Variants in CD9 observed in about 807,000 individuals in gnomAD.
CD9 encodes the protein CD9 molecule.
A neutral mutation model predicts 31.4 loss-of-function variants in CD9; 10 were observed. That is an observed-to-expected ratio of 0.32 (90% CI 0.20 to 0.54). The LOEUF is 0.54. Ranked by LOEUF, CD9 falls within the 20% of genes least tolerant of loss-of-function variation. The probability of loss-of-function intolerance (pLI) is 0.94; values close to 1 mark genes in which losing one functional copy is unlikely to be tolerated. For missense variants in CD9, 259 were observed against 300.1 expected, an observed-to-expected ratio of 0.86 and a Z score of 1.01; for synonymous variants, 113 against 114.1, an observed-to-expected ratio of 0.99 and a Z score of 0.06.
In CD9 at chr12:6,232,024, G is replaced by T. The variant is rs184980286; in HGVS notation, c.176-608G>T. The stretch of plus-strand genomic sequence containing the variant: ...TCCTTTGCACTAGAGTCAGGTATTG[G>T]ACCTTTGCCAAGAGGTGCCTTTGGG... On this transcript the variant is annotated intron_variant, in intron 2 of 7. Transcript: ENST00000009180. This position sits in a 1 kb window ranked among gnomAD's most constrained non-coding sequence, Gnocchi z 4.8. Among the ~76,000 whole-genome samples the T allele has an allele frequency of 3.3e-5, 5 of 152,292 alleles. No individual in the cohort carries two copies. The highest frequency in any genetic ancestry group is 1.2e-4 in the African/African-American group (5 of 41,570).
chr12:6,206,446 AC>A (rs1433163766), intron 1 of CD9, among the ~76,000 whole-genome samples: 1 of 151,972 alleles, frequency 6.6e-6, no homozygotes, highest in Non-Finnish European at 1.5e-5. Context: ...CTGGTCTCAA[AC>A]TCCTAGGCTC....
At chr12:6,201,162 TGAG>T (rs1420491134) in intron 1 of CD9, among the ~76,000 whole-genome samples, 2 of 152,158 alleles carry the variant, frequency 1.3e-5, no homozygotes, top group Non-Finnish European at 2.9e-5. Flanking sequence ...CCTCCACCCT[TGAG>T]GAGGAACCTC....
In CD9 at chr12:6,205,354, C is replaced by T. The variant is rs566338452; in HGVS notation, c.66+4789C>T. On this transcript the variant is annotated intron_variant, in intron 1 of 7. Coordinates refer to ENST00000009180, the MANE Select transcript of CD9 (RefSeq NM_001769.4). ...CACACGCTCACACTCACGTTCTCTA[C>T]CCCCTTCTTTTCAACGTGGCCCACA... Among the ~76,000 whole-genome samples the T allele has an allele frequency of 1.2e-3, 184 of 152,326 alleles. 4 individuals are homozygous for T. In the South Asian group the frequency reaches 0.031, roughly 26 times the overall value.
intron 4 of CD9, among the ~76,000 whole-genome samples, 160 bp from the exon 5 acceptor site, chr12:6,235,069 A>G (rs899379902): frequency 5.3e-5 from 8 of 152,236 alleles, no homozygotes; most frequent in Admixed American, 1.3e-4. Flanking sequence ...GCCCTGAGAG[A>G]AGGCAGTGCT....
chr12:6,219,642 C>T (rs939781265), intron 1 of CD9, among the ~76,000 whole-genome samples: 9 of 152,048 alleles, frequency 5.9e-5, no homozygotes, highest in African/African-American at 1.7e-4. Context: ...CCCGCCACCA[C>T]GCCCGGCTAA....
chr12:6,229,268 C>T (rs1313541486), intron 2 of CD9, among the ~76,000 whole-genome samples: 1 of 152,240 alleles, frequency 6.6e-6, no homozygotes, highest in African/African-American at 2.4e-5. Context: ...CGGCCAGCCC[C>T]CTATCCATGA....
chr12:6,230,694 T>C (rs564833777), intron 2 of CD9, among the ~76,000 whole-genome samples: 1 of 152,334 alleles, frequency 6.6e-6, no homozygotes, highest in Non-Finnish European at 1.5e-5. Flanking sequence ...CAGTGCTCCA[T>C]GCATGGGGCT....
intron 1 of CD9, among the ~76,000 whole-genome samples, chr12:6,214,800 G>A (rs979131587): frequency 6.6e-6 from 1 of 152,174 alleles, no homozygotes; most frequent in African/African-American, 2.4e-5. Flanking sequence ...CCTGCTGCAG[G>A]TTGTGGGAGC....
intron 6 of CD9, 172 bp downstream of exon 6, chr12:6,235,737 G>T: frequency 7.1e-7 from 1 of 1,418,122 alleles, no homozygotes; most frequent in Non-Finnish European, 9.2e-7. Context: ...GTTTACTCAA[G>T]GGCAATAAAA....
chr12:6,209,679 C>A (rs948964681), intron 1 of CD9, among the ~76,000 whole-genome samples: 12 of 132,634 alleles, frequency 9.0e-5, no homozygotes, highest in East Asian at 4.4e-4. Flanking sequence ...CTGCAAATTT[C>A]TTTTTTTTTT....
At chr12:6,200,203 G>A (rs1319158632), upstream of CD9, 5 of 159,648 alleles carry the variant, frequency 3.1e-5, no homozygotes, top group Admixed American at 1.3e-4. Flanking sequence ...GGGCTCCGCG[G>A]GGCAGCTGGG....
At chr12:6,209,551 A>T (rs1468206704) in intron 1 of CD9, among the ~76,000 whole-genome samples, 3 of 152,156 alleles carry the variant, frequency 2.0e-5, no homozygotes, top group African/African-American at 7.2e-5. Flanking sequence ...TGCTAAGCTC[A>T]GATGTTTTAA....
At chr12:6,223,784 C>A (rs1946325244) in intron 1 of CD9, among the ~76,000 whole-genome samples, 1 of 152,210 alleles carries the variant, frequency 6.6e-6, no homozygotes, top group Admixed American at 6.5e-5. Flanking sequence ...AATGCGAGTA[C>A]CCTGCTGGGT....
chr12:6,205,588 A>G (rs918127205), intron 1 of CD9, among the ~76,000 whole-genome samples: 8 of 152,158 alleles, frequency 5.3e-5, no homozygotes, highest in African/African-American at 1.9e-4. Flanking sequence ...CCTTACACAC[A>G]TAGATCCTGT....
intron 1 of CD9, among the ~76,000 whole-genome samples, chr12:6,214,693 G>C (rs1591966974): frequency 6.6e-6 from 1 of 152,090 alleles, no homozygotes; most frequent in Non-Finnish European, 1.5e-5. Context: ...AGTTCGGGGA[G>C]GTTTGAGGAG....
chr12:6,238,144 TATTGTAC>T lies in CD9; in HGVS notation c.*319_*325del, dbSNP rs748554984. 4 of 207,884 alleles carry T rather than the reference TATTGTAC, an allele frequency of 1.9e-5. No homozygotes were observed. Among genetic ancestry groups the T allele is most frequent in the Non-Finnish European group, 3.9e-5 (4 of 101,864 alleles). The allele number at this position is 207,884 out of a possible 1,614,324, so 12.9% of individuals were successfully genotyped here. A position where few individuals can be genotyped will look rare whatever the true frequency, so the allele number is the denominator to read the frequency against. On this transcript the variant is annotated 3_prime_UTR_variant, in exon 8 of 8. Transcript: ENST00000009180. ...TATATTTGCTAGACTCTAGACAAGATATTGTACATAAAAGAATTTTTTTGTCTTTAAA... is the reference window on the plus strand; with the variant it reads ...TATATTTGCTAGACTCTAGACAAGATATAAAAGAATTTTTTTGTCTTTAAA...
intron 1 of CD9, among the ~76,000 whole-genome samples, chr12:6,218,927 G>C (rs894264230): frequency 3.3e-5 from 5 of 152,258 alleles, no homozygotes; most frequent in Middle Eastern, 3.4e-3. Context: ...AAGAGTGTTT[G>C]ACTGGACTTC....
rs570020540 is a variant in CD9 at position 6,233,080 on chromosome 12, C to G, written c.274-332C>G. On this transcript the variant is annotated intron_variant, in intron 3 of 7. Coordinates refer to ENST00000009180, the MANE Select transcript of CD9 (RefSeq NM_001769.4). ...GAACTCCACGGAGTGGATTCGCTCCCTTTACTTGCCCAAATCTCTTGTCTT... is the reference window on the plus strand; with the variant it reads ...GAACTCCACGGAGTGGATTCGCTCCGTTTACTTGCCCAAATCTCTTGTCTT... 4.4e-5 allele frequency: 31 copies of G among 701,944 alleles called. No homozygotes were observed. In the East Asian group the frequency reaches 7.8e-4, roughly 18 times the overall value. 43.5% of individuals were successfully genotyped at this position (701,944 alleles called of 1,614,324 possible).
intron 2 of CD9, chr12:6,226,230 C>G (rs1333092778): frequency 1.3e-5 from 2 of 152,230 alleles, no homozygotes; most frequent in East Asian, 3.8e-4. Context: ...CTAGACCATT[C>G]TATCCCTCTC....
Sources: allele counts gnomAD v4.1 joint callset (sites outside exome capture counted in the v4.1 genomes callset), GRCh38; gene constraint gnomAD v4.1.1; non-coding constraint Gnocchi (gnomAD v3.1); transcripts MANE v1.5; gene names NCBI Gene and HGNC (gene_info 2026-07-23, HGNC 2026-07-21).